Variants in PCDH11Y observed in about 807,000 individuals in gnomAD.
PCDH11Y encodes protocadherin-11 Y-linked.
For missense variants in PCDH11Y, 12 were observed against 224.8 expected, an observed-to-expected ratio of 0.05 and a Z score of 6.05; for synonymous variants, 9 against 83.6, an observed-to-expected ratio of 0.11 and a Z score of 4.87.
intron 2 of PCDH11Y, among the ~76,000 whole-genome samples, chrY:5,266,448 C>T (rs2053026272): frequency 3.1e-5 from 1 of 32,168 alleles, no homozygotes; most frequent in Non-Finnish European, 7.5e-5. Context: ...GCAGGAGAAT[C>T]GCTTGAACCC....
At chrY:5,025,089 G>C in intron 1 of PCDH11Y, among the ~76,000 whole-genome samples, 1 of 32,896 alleles carries the variant, frequency 3.0e-5, no homozygotes, top group Non-Finnish European at 7.5e-5. Context: ...TATGTAAACG[G>C]AAGTCACAAT....
At chrY:5,316,421 A>T in intron 2 of PCDH11Y, among the ~76,000 whole-genome samples, 1 of 32,775 alleles carries the variant, frequency 3.1e-5, no homozygotes. Context: ...CCTATTTTAC[A>T]ATAAGACCTA....
intron 3 of PCDH11Y, among the ~76,000 whole-genome samples, chrY:5,575,655 C>G: frequency 3.0e-5 from 1 of 33,412 alleles, no homozygotes; most frequent in Admixed American, 2.7e-4. Flanking sequence ...TTTCTATGCG[C>G]ACAACTCAAA....
chrY:5,138,126 T>C, intron 2 of PCDH11Y, among the ~76,000 whole-genome samples: 5 of 32,024 alleles, frequency 1.6e-4, no homozygotes, highest in Admixed American at 1.4e-3. Flanking sequence ...TCCTCAAAAC[T>C]ATACAAATAC....
At chrY:5,072,577 A>G in intron 1 of PCDH11Y, among the ~76,000 whole-genome samples, 1 of 32,928 alleles carries the variant, frequency 3.0e-5, no homozygotes. Context: ...GTGGAAAATT[A>G]TCCATATTTT....
At chrY:5,534,707 T>C in intron 3 of PCDH11Y, among the ~76,000 whole-genome samples, 1 of 33,472 alleles carries the variant, frequency 3.0e-5, no homozygotes, top group Non-Finnish European at 7.4e-5. Flanking sequence ...TTCCTTTAGG[T>C]ATATACCCAA....
At position 5,332,197 on chromosome Y, in the gene PCDH11Y, A is replaced by G. The variant is rs1569476793; in HGVS notation, c.3130-168860A>G. 9.0e-5 allele frequency among the ~76,000 whole-genome samples: 3 copies of G among 33,285 alleles called. No individual in the cohort carries two copies. In the East Asian group the frequency reaches 2.4e-3, roughly 27 times the overall value. 89.3% of individuals were successfully genotyped at this position (33,285 alleles called of 37,273 possible). A position where few individuals can be genotyped will look rare whatever the true frequency, so the allele number is the denominator to read the frequency against. ...GCTTGAACTCAAAGCCCCCACTTTG[A>G]GTTGTCCCACCTTTCTGAACCAAAA... On this transcript the variant is annotated intron_variant, in intron 2 of 4. Coordinates refer to the PCDH11Y transcript ENST00000400457.
At chrY:5,249,382 C>T (rs2053001205) in intron 2 of PCDH11Y, among the ~76,000 whole-genome samples, 1 of 31,572 alleles carries the variant, frequency 3.2e-5, no homozygotes, top group Non-Finnish European at 7.7e-5. Context: ...AGCAAAACTT[C>T]GTGGTACTGA....
chrY:5,430,765 G>C, intron 2 of PCDH11Y, among the ~76,000 whole-genome samples: 1 of 32,578 alleles, frequency 3.1e-5, no homozygotes, highest in Non-Finnish European at 7.6e-5. Flanking sequence ...AGTAAGGTCA[G>C]GAAATGTTTT....
At chrY:5,446,952 C>A in intron 2 of PCDH11Y, among the ~76,000 whole-genome samples, 1 of 33,095 alleles carries the variant, frequency 3.0e-5, no homozygotes, top group South Asian at 6.8e-4. Flanking sequence ...CCTACCCAGA[C>A]CTACTGAATC....
intron 3 of PCDH11Y, among the ~76,000 whole-genome samples, chrY:5,513,224 A>C: frequency 3.2e-5 from 1 of 31,271 alleles, no homozygotes; most frequent in Non-Finnish European, 7.7e-5. Flanking sequence ...TAGTAGAGAT[A>C]GTGTTTCACC....
intron 2 of PCDH11Y, among the ~76,000 whole-genome samples, chrY:5,436,587 G>C (rs2124681234): frequency 6.0e-5 from 2 of 33,343 alleles, no homozygotes; most frequent in East Asian, 1.6e-3. Context: ...AAGGAAAATA[G>C]GAAGAAGTGG....
At chrY:5,518,781 AT>A (rs2053375407) in intron 3 of PCDH11Y, among the ~76,000 whole-genome samples, 1 of 30,659 alleles carries the variant, frequency 3.3e-5, no homozygotes, top group Admixed American at 3.1e-4. Context: ...TTAGAAGAGA[AT>A]TGTTTAACAA....
intron 1 of PCDH11Y, among the ~76,000 whole-genome samples, chrY:5,089,014 A>C: frequency 3.6e-5 from 1 of 28,149 alleles, no homozygotes; most frequent in Non-Finnish European, 8.1e-5. Context: ...CTCCAGATAT[A>C]TCCCATGGTG....
chrY:5,198,858 T>C (rs2052923928), intron 2 of PCDH11Y, among the ~76,000 whole-genome samples: 1 of 31,587 alleles, frequency 3.2e-5, no homozygotes, highest in South Asian at 7.3e-4. Context: ...ATAGAGACTG[T>C]TAGAAATTGA....
chrY:5,734,668 T>A, intron 4 of PCDH11Y, among the ~76,000 whole-genome samples: 3 of 32,672 alleles, frequency 9.2e-5, no homozygotes, highest in Admixed American at 5.6e-4. Flanking sequence ...CTCAAAGGAA[T>A]GGCTGATTTT....
chrY:5,068,958 C>T, intron 1 of PCDH11Y, among the ~76,000 whole-genome samples: 1 of 32,478 alleles, frequency 3.1e-5, no homozygotes, highest in Non-Finnish European at 7.5e-5. Context: ...ATTTTACATC[C>T]TTCTTCTCAA....
chrY:5,026,995 A>G, intron 1 of PCDH11Y, among the ~76,000 whole-genome samples: 1 of 32,981 alleles, frequency 3.0e-5, no homozygotes, highest in East Asian at 8.0e-4. Flanking sequence ...ACGGTGGCTC[A>G]TACCTGTAAT....
intron 3 of PCDH11Y, among the ~76,000 whole-genome samples, chrY:5,575,610 C>G: frequency 6.0e-5 from 2 of 33,529 alleles, no homozygotes; most frequent in Non-Finnish European, 1.5e-4. Context: ...ATTATATTCT[C>G]TCTCTAGATA....
Sources: gnomAD v4.1 joint callset for allele counts (sites outside exome capture counted in the v4.1 genomes callset) on GRCh38, gnomAD v4.1.1 for gene constraint, MANE v1.5 for transcripts, NCBI Gene and HGNC (gene_info 2026-07-23, HGNC 2026-07-21) for gene names.